The following TK1 variants were observed in gnomAD, a reference collection of about 807,000 sequenced individuals.
TK1 encodes thymidine kinase, cytosolic.
A neutral mutation model predicts 22.4 loss-of-function variants in TK1; 13 were observed. That is an observed-to-expected ratio of 0.58 (90% CI 0.38 to 0.92). The LOEUF is 0.92. Among genes scored for constraint, TK1 ranks in the 40% least tolerant of loss-of-function variants. TK1 has a pLI of 0.00. For missense variants in TK1, 251 were observed against 315.7 expected, an observed-to-expected ratio of 0.80 and a Z score of 1.55; for synonymous variants, 134 against 125.4, an observed-to-expected ratio of 1.07 and a Z score of -0.46.
At chr17:78,176,690 A>G (rs2075702343) in intron 4 of TK1, among the ~76,000 whole-genome samples, 1 of 152,064 alleles carries the variant, frequency 6.6e-6, no homozygotes, top group African/African-American at 2.4e-5. Context: ...GCCTGCAAGG[A>G]GCTGTGGGCC....
intron 6 of TK1, 47 bp downstream of exon 6, chr17:78,175,003 G>A (rs2075687544): frequency 1.2e-6 from 2 of 1,610,742 alleles, no homozygotes; most frequent in Non-Finnish European, 8.5e-7. Context: ...AGGAGGCAGA[G>A]CCATACCCCC....
intron 4 of TK1, chr17:78,179,061 G>C (rs899787597): frequency 3.0e-6 from 2 of 672,136 alleles, no homozygotes; most frequent in African/African-American, 3.9e-5. Context: ...AGGGCATTTG[G>C]ATGTCGAGGA....
chr17:78,174,680 G>C lies in TK1; in HGVS notation c.*79C>G. On this transcript the variant is annotated 3_prime_UTR_variant, in exon 7 of 7. Transcript: ENST00000301634. Reference sequence around the variant, plus strand: ...CCTCCACGCCTCCCGACTTCCTCCTGGAGTGGCTGGGCAGCATGCAGGGCA... The same window carrying C: ...CCTCCACGCCTCCCGACTTCCTCCTCGAGTGGCTGGGCAGCATGCAGGGCA... 6.9e-7 allele frequency: 1 copy of C among 1,459,646 alleles called. No individual in the cohort carries two copies. Among genetic ancestry groups the C allele is most frequent in the Non-Finnish European group, 9.1e-7 (1 of 1,096,436 alleles). The allele number at this position is 1,459,646 out of a possible 1,614,324, so 90.4% of individuals were successfully genotyped here.
chr17:78,186,353 G>A (rs2075793440), intron 2 of TK1, among the ~76,000 whole-genome samples: 1 of 152,140 alleles, frequency 6.6e-6, no homozygotes, highest in African/African-American at 2.4e-5. Flanking sequence ...GAGGCTCCAC[G>A]GCTTCAGACT....
Position 78,182,055 on chromosome 17 carries a change from C to T in TK1, c.303+534G>A, listed in dbSNP as rs546622851. Among the ~76,000 whole-genome samples the T allele has an allele frequency of 2.0e-5, 3 of 152,106 alleles. No homozygotes were observed. The South Asian group carries it at 6.2e-4, about 32-fold the overall frequency. On this transcript the variant is annotated intron_variant, in intron 4 of 6. Transcript: ENST00000301634. ...ACAGGTGTGAGTCACTGCATCTTGC[C>T]AGTAAATAGATATATGTATTTTTAA...
At chr17:78,186,743 G>T in intron 2 of TK1, 44 bp downstream of exon 2, 2 of 1,556,684 alleles carry the variant, frequency 1.3e-6, no homozygotes, top group Admixed American at 1.9e-5. Context: ...AGGGGTCCCC[G>T]GAGAAGAGGA....
intron 4 of TK1, among the ~76,000 whole-genome samples, chr17:78,176,725 C>CA (rs2075702810): frequency 1.3e-5 from 2 of 152,196 alleles, no homozygotes; most frequent in Non-Finnish European, 1.5e-5. Context: ...GCCAGGGGCG[C>CA]GCCCCCTGGA....
At chr17:78,186,039 T>C (rs2075787146) in intron 2 of TK1, among the ~76,000 whole-genome samples, 1 of 152,038 alleles carries the variant, frequency 6.6e-6, no homozygotes, top group Non-Finnish European at 1.5e-5. Context: ...AGTAGGAGGA[T>C]TGCTTGAGAC....
intron 4 of TK1, among the ~76,000 whole-genome samples, chr17:78,178,866 C>T (rs1296986088): frequency 3.9e-5 from 6 of 152,004 alleles, no homozygotes; most frequent in South Asian, 4.1e-4. Flanking sequence ...GCTGGTGACC[C>T]GGAACTTCTT....
At chr17:78,176,956 T>A (rs575531811) in intron 4 of TK1, among the ~76,000 whole-genome samples, 3 of 152,316 alleles carry the variant, frequency 2.0e-5, no homozygotes, top group African/African-American at 7.2e-5. Flanking sequence ...CCTTGCTCCT[T>A]CACCCGCCAC....
At chr17:78,179,650 C>T (rs1397698326) in intron 4 of TK1, 2 of 985,346 alleles carry the variant, frequency 2.0e-6, no homozygotes, top group African/African-American at 3.5e-5. Flanking sequence ...AGGGGACAGG[C>T]CCTGTGACGT....
Position 78,175,217 on chromosome 17 carries a change from G to A in TK1, c.394-48C>T, listed in dbSNP as rs138632956. 243 of 1,582,550 alleles carry A rather than the reference G, an allele frequency of 1.5e-4. 1 individual carries two copies. In the East Asian group the frequency reaches 5.5e-3, roughly 36 times the overall value. On this transcript the variant is annotated intron_variant, in intron 5 of 6. Transcript: ENST00000301634. Reference sequence around the variant, plus strand: ...AGGGCGCTCAGCCACCTTACCAGGTGGGTTTTTCTTTTAAACCCTCTGATT... The same window carrying A: ...AGGGCGCTCAGCCACCTTACCAGGTAGGTTTTTCTTTTAAACCCTCTGATT...
rs376076409 is a variant in TK1, at chr17:78,182,545, G to A, written c.303+44C>T. ...CAGCGAGGGAAAACGGGAGGACAGA[G>A]CGGAAGCTGGCAGGAAGAGTGATGC... On this transcript the variant is annotated intron_variant, in intron 4 of 6. Transcript: ENST00000301634. 2.7e-6 allele frequency: 4 copies of A among 1,467,460 alleles called. No individual in the cohort carries two copies. The African/African-American group carries it at 4.2e-5, about 15-fold the overall frequency. The allele number at this position is 1,467,460 out of a possible 1,614,324, so 90.9% of individuals were successfully genotyped here.
chr17:78,182,552 C>A, intron 4 of TK1, 37 bp downstream of exon 4: 1 of 1,489,978 alleles, frequency 6.7e-7, no homozygotes, highest in Middle Eastern at 1.7e-4. Flanking sequence ...AGAGCGGAAG[C>A]TGGCAGGAAG....
chr17:78,186,385 C>T (rs1461566388), intron 2 of TK1, among the ~76,000 whole-genome samples: 3 of 152,112 alleles, frequency 2.0e-5, no homozygotes, highest in East Asian at 1.9e-4. Flanking sequence ...AAAGCGACTA[C>T]GTTTCCTTGG....
At chr17:78,184,932 G>T (rs1204737529) in intron 3 of TK1, 123 bp downstream of exon 3, 2 of 759,428 alleles carry the variant, frequency 2.6e-6, no homozygotes, top group African/African-American at 1.7e-5. Context: ...ACCTTGGAAA[G>T]TGTGCTGATT....
chr17:78,185,899 A>G (rs113072701), intron 2 of TK1, among the ~76,000 whole-genome samples: 1,563 of 152,286 alleles, frequency 0.01, 13 homozygotes, highest in Non-Finnish European at 0.016. Flanking sequence ...TCTGGGTCCA[A>G]GAAGTCCAAC....
At chr17:78,184,690 T>A (rs1220420099) in intron 3 of TK1, among the ~76,000 whole-genome samples, 1 of 152,144 alleles carries the variant, frequency 6.6e-6, no homozygotes, top group African/African-American at 2.4e-5. Flanking sequence ...TCCTGACATT[T>A]GGGGCCAGCT....
chr17:78,175,219 G>GTTTTTATTTTTT, intron 5 of TK1, 50 bp from the exon 6 acceptor site: 2 of 1,574,968 alleles, frequency 1.3e-6, no homozygotes, highest in East Asian at 2.3e-5. Context: ...TACCAGGTGG[G>GTTTTTATTTTTT]TTTTTCTTTT....
Sources: gnomAD v4.1 joint callset for allele counts (sites outside exome capture counted in the v4.1 genomes callset) on GRCh38, gnomAD v4.1.1 for gene constraint, MANE v1.5 for transcripts, NCBI Gene and HGNC (gene_info 2026-07-23, HGNC 2026-07-21) for gene names.